ZDHHC9: variants seen among roughly 807,000 people sequenced by gnomAD.
ZDHHC9 encodes palmitoyltransferase ZDHHC9.
In ZDHHC9, 3 loss-of-function variants were observed where a neutral mutation model predicts 26.6. The observed-to-expected ratio is 0.11, with a 90% CI of 0.05 to 0.29. The LOEUF (loss-of-function observed/expected upper bound fraction) is 0.29. Ranked by LOEUF, ZDHHC9 falls within the 10% of genes least tolerant of loss-of-function variation. The pLI, the probability that ZDHHC9 is intolerant of heterozygous loss-of-function variation, is 1.00. For synonymous variants in ZDHHC9, 111 were observed against 109.4 expected (o/e 1.01, Z -0.09); for missense variants, 146 against 296.4 (o/e 0.49, Z 3.73).
At chrX:129,818,600 G>C (rs1362014908) in intron 5 of ZDHHC9, among the ~76,000 whole-genome samples, 2 of 111,995 alleles carry the variant, frequency 1.8e-5, no homozygotes, top group Admixed American at 9.5e-5. Context: ...GAATAAACTT[G>C]AATAGAACCA....
chrX:129,838,815 G>A (rs1014941537), intron 3 of ZDHHC9, among the ~76,000 whole-genome samples: 4 of 112,158 alleles, frequency 3.6e-5, no homozygotes, highest in African/African-American at 1.3e-4. Flanking sequence ...TCACTCATTT[G>A]AAAAGTCTTC....
rs981012317 is a variant in ZDHHC9 at position 129,829,247 on chromosome X, C to G, written c.168-106G>C. The G allele has an allele frequency of 1.6e-4, 149 of 910,333 alleles. 1 individual carries two copies. The African/African-American group carries it at 2.6e-3, about 16-fold the overall frequency. 75.0% of individuals were successfully genotyped at this position (910,333 alleles called of 1,213,427 possible). A position where few individuals can be genotyped will look rare whatever the true frequency, so the allele number is the denominator to read the frequency against. ...CCCCACAACAGAATCAGCAGCACCT[C>G]AAGGGCAGGGACCATGTTTCTTCTC... On this transcript the variant is annotated intron_variant, in intron 3 of 10. Coordinates refer to ENST00000357166, the MANE Select transcript of ZDHHC9 (RefSeq NM_016032.4).
At chrX:129,841,052 C>T (rs756617320) in intron 3 of ZDHHC9, among the ~76,000 whole-genome samples, 1 of 110,363 alleles carries the variant, frequency 9.1e-6, no homozygotes, top group Non-Finnish European at 1.9e-5. Context: ...TCTCAGCACA[C>T]CCAGGAGACA....
Position 129,839,223 on chromosome X carries a change from CT to C in ZDHHC9, c.167+2555del, listed in dbSNP as rs767316222. ...TGATTTCCTGAGGCCTCACTAAGTT[CT>C]TTTTTTTTTTTTTTTTTAAGACAGA... On this transcript the variant is annotated intron_variant, in intron 3 of 10. Transcript: ENST00000357166. 5.0e-3 allele frequency among the ~76,000 whole-genome samples: 471 copies of C among 94,528 alleles called. 2 individuals carry two copies. The highest frequency in any genetic ancestry group is 5.5e-3 in the African/African-American group (145 of 26,322). 82.1% of individuals were successfully genotyped at this position (94,528 alleles called of 115,157 possible).
chrX:129,827,804 T>TC, intron 4 of ZDHHC9, among the ~76,000 whole-genome samples: 1 of 34,428 alleles, frequency 2.9e-5, no homozygotes, highest in Non-Finnish European at 1.7e-4. Context: ...AAAGCAGCGT[T>TC]TTTTGTTTGT....
At chrX:129,832,024 G>A (rs1424375087) in intron 3 of ZDHHC9, among the ~76,000 whole-genome samples, 2 of 109,487 alleles carry the variant, frequency 1.8e-5, no homozygotes, top group African/African-American at 6.7e-5. Flanking sequence ...TAGGAGAGTA[G>A]ATTTTAAGCG....
intron 6 of ZDHHC9, 21 bp downstream of exon 6, chrX:129,814,637 G>C (rs1293422296): frequency 8.3e-7 from 1 of 1,210,512 alleles, no homozygotes; most frequent in Admixed American, 2.2e-5. Context: ...TCCAACAACG[G>C]ACACTGCCCT....
At chrX:129,808,046 ATGT>A (rs1040442854) in intron 10 of ZDHHC9, among the ~76,000 whole-genome samples, 1 of 112,387 alleles carries the variant, frequency 8.9e-6, no homozygotes, top group Non-Finnish European at 1.9e-5. Flanking sequence ...AAACTACAAA[ATGT>A]TGTTGAAAGA....
rs866748103 is a variant in ZDHHC9, at chrX:129,832,675, T to C, written c.168-3534A>G. 1.3e-3 allele frequency among the ~76,000 whole-genome samples: 145 copies of C among 110,447 alleles called. 2 individuals carry two copies. The highest frequency in any genetic ancestry group is 4.3e-3 in the African/African-American group (130 of 30,181). Reference sequence around the variant, plus strand: ...GTGGGTGCCTGTAGTCCCAGCTACTTGGGAGGCTGAGGCAGGAGAATGGTG... The same window carrying C: ...GTGGGTGCCTGTAGTCCCAGCTACTCGGGAGGCTGAGGCAGGAGAATGGTG... On this transcript the variant is annotated intron_variant, in intron 3 of 10. Transcript: ENST00000357166.
chrX:129,812,618 C>A, intron 8 of ZDHHC9, 100 bp downstream of exon 8: 1 of 737,216 alleles, frequency 1.4e-6, no homozygotes. Context: ...CCTGCCTCAA[C>A]CTCCCAGGCC....
rs531976404 is a variant in ZDHHC9, at chrX:129,815,760, A to G, written c.488-965T>C. Among the ~76,000 whole-genome samples the G allele has an allele frequency of 2.1e-4, 24 of 112,294 alleles. No individual in the cohort carries two copies. In the South Asian group the frequency reaches 8.7e-3, roughly 41 times the overall value. ...CATAAAGAAGACTAAAGAAAAAAAAACAATGGCAATCTATGTAAAGTTGTA... is the reference window on the plus strand; with the variant it reads ...CATAAAGAAGACTAAAGAAAAAAAAGCAATGGCAATCTATGTAAAGTTGTA... On this transcript the variant is annotated intron_variant, in intron 5 of 10. Transcript: ENST00000357166.
intron 3 of ZDHHC9, among the ~76,000 whole-genome samples, chrX:129,829,677 C>A (rs1311670822): frequency 1.8e-5 from 2 of 112,098 alleles, no homozygotes; most frequent in African/African-American, 6.5e-5. Context: ...GGGCTGTTGA[C>A]TGACTCTGCA....
intron 3 of ZDHHC9, among the ~76,000 whole-genome samples, chrX:129,841,364 T>A (rs1365159168): frequency 8.9e-6 from 1 of 112,064 alleles, no homozygotes; most frequent in African/African-American, 3.3e-5. Flanking sequence ...AGCTGAGAGC[T>A]GAGCCTTAAG....
chrX:129,806,955 T>C (rs1188408274), intron 10 of ZDHHC9, among the ~76,000 whole-genome samples: 2 of 110,863 alleles, frequency 1.8e-5, no homozygotes, highest in African/African-American at 6.7e-5. Context: ...GATTCTAAAA[T>C]ACCACCCTTC....
chrX:129,833,680 GA>G (rs1928196882), intron 3 of ZDHHC9, among the ~76,000 whole-genome samples: 1 of 112,003 alleles, frequency 8.9e-6, no homozygotes, highest in African/African-American at 3.2e-5. Context: ...TTTTGTTGGG[GA>G]AAACATAACT....
At chrX:129,820,934 C>T (rs1927869041) in intron 5 of ZDHHC9, among the ~76,000 whole-genome samples, 1 of 111,109 alleles carries the variant, frequency 9.0e-6, no homozygotes, top group East Asian at 2.8e-4. Flanking sequence ...CTCCCTTCCC[C>T]ACCCCTCAAC....
At chrX:129,812,138 CAG>C (rs1927656725) in intron 8 of ZDHHC9, among the ~76,000 whole-genome samples, 1 of 108,416 alleles carries the variant, frequency 9.2e-6, no homozygotes, top group South Asian at 4.1e-4. Context: ...GGCTGGAGTG[CAG>C]TGGCGTGATC....
Position 129,828,964 on chromosome X carries a change from C to G in ZDHHC9, c.328+17G>C. ...CACCCACTACACAGCAGCTTGCCAG[C>G]TGGTTGGAAGACTCACCTATCTCCA... is the stretch of plus-strand genomic sequence containing the variant. On this transcript the variant is annotated intron_variant, in intron 4 of 10. Coordinates refer to ENST00000357166, the MANE Select transcript of ZDHHC9 (RefSeq NM_016032.4). The G allele has an allele frequency of 8.3e-7, 1 of 1,211,418 alleles. No homozygotes were observed. The highest frequency in any genetic ancestry group is 1.8e-5 in the South Asian group (1 of 56,969).
intron 5 of ZDHHC9, among the ~76,000 whole-genome samples, chrX:129,816,123 G>A (rs924847968): frequency 6.2e-5 from 7 of 112,024 alleles, no homozygotes; most frequent in East Asian, 2.8e-4. Context: ...TTAGAACTGC[G>A]TGCGTCCACT....
Sources: allele counts gnomAD v4.1 joint callset (sites outside exome capture counted in the v4.1 genomes callset), GRCh38; gene constraint gnomAD v4.1.1; transcripts MANE v1.5; gene names NCBI Gene and HGNC (gene_info 2026-07-23, HGNC 2026-07-21).